PDE2A: variants seen among roughly 807,000 people sequenced by gnomAD.
The protein encoded by PDE2A is cGMP-dependent 3',5'-cyclic phosphodiesterase.
A neutral mutation model predicts 133.6 loss-of-function variants in PDE2A; 53 were observed. That is an observed-to-expected ratio of 0.40 (90% CI 0.32 to 0.50). PDE2A has a LOEUF of 0.50. Ranked by LOEUF, PDE2A falls within the 20% of genes least tolerant of loss-of-function variation. PDE2A has a pLI of 0.73. For synonymous variants in PDE2A, 491 were observed against 490.2 expected (o/e 1.00, Z -0.02); for missense variants, 796 against 1,232.4 (o/e 0.65, Z 5.30).
chr11:72,653,744 C>A (rs1191843670), intron 1 of PDE2A, among the ~76,000 whole-genome samples: 1 of 152,236 alleles, frequency 6.6e-6, no homozygotes, highest in African/African-American at 2.4e-5. Flanking sequence ...TGGGCCCCTG[C>A]TCCTTAGTCT....
chr11:72,658,981 C>T (rs187311593), intron 1 of PDE2A, among the ~76,000 whole-genome samples: 1 of 152,300 alleles, frequency 6.6e-6, no homozygotes, highest in Non-Finnish European at 1.5e-5. Flanking sequence ...GTGTGAGCCG[C>T]TGTGCCCAGC....
chr11:72,674,289 C>T lies in PDE2A; in HGVS notation c.-82G>A. On this transcript the variant is annotated 5_prime_UTR_variant, in exon 1 of 31. In the 5' UTR this introduces an upstream ATG that the reference lacks. Coordinates refer to ENST00000334456, the MANE Select transcript of PDE2A (RefSeq NM_002599.5). The stretch of plus-strand genomic sequence containing the variant: ...GCTGCCTGGAGTTCAGGGCAGGGCA[C>T]CCCCAGCAGGCACAGGGACCAAGAG... The T allele has an allele frequency of 7.1e-7, 1 of 1,400,186 alleles. No individual in the cohort carries two copies. The highest frequency in any genetic ancestry group is 1.2e-5 in the South Asian group (1 of 80,200). The allele number at this position is 1,400,186 out of a possible 1,614,324, so 86.7% of individuals were successfully genotyped here.
intron 2 of PDE2A, among the ~76,000 whole-genome samples, chr11:72,625,995 A>G (rs1454717809): frequency 6.6e-6 from 1 of 152,248 alleles, no homozygotes; most frequent in Non-Finnish European, 1.5e-5. Flanking sequence ...GGGCCGCAGC[A>G]TCTGGCCTGG....
At chr11:72,657,729 G>C in intron 1 of PDE2A, 1 of 450,542 alleles carries the variant, frequency 2.2e-6, no homozygotes, top group Non-Finnish European at 4.4e-6. Context: ...TTAGGATCTT[G>C]GATCTGGGGG....
intron 1 of PDE2A, 134 bp downstream of exon 1, chr11:72,674,003 G>T (rs527669598): frequency 1.2e-6 from 1 of 842,286 alleles, no homozygotes; most frequent in Non-Finnish European, 1.8e-6. Context: ...GGGAGGAGGG[G>T]TGCCCAGGAA....
intron 1 of PDE2A, among the ~76,000 whole-genome samples, chr11:72,660,354 C>G (rs1457919001): frequency 2.0e-5 from 3 of 152,202 alleles, no homozygotes; most frequent in Non-Finnish European, 4.4e-5. Flanking sequence ...GGGCGGGTCA[C>G]AGAGCCCACT....
chr11:72,579,903 T>C (rs1048790777), intron 25 of PDE2A: 14 of 410,380 alleles, frequency 3.4e-5, no homozygotes, highest in Non-Finnish European at 5.3e-5. Context: ...AAATGATCCT[T>C]TGGAGTCCTA....
chr11:72,600,109 G>A (rs1017570156), intron 4 of PDE2A, among the ~76,000 whole-genome samples: 2 of 152,234 alleles, frequency 1.3e-5, no homozygotes. Context: ...GGACAGCCGA[G>A]AGCAAGGCTA....
chr11:72,661,742 T>A (rs1855071501), intron 1 of PDE2A, among the ~76,000 whole-genome samples: 1 of 152,262 alleles, frequency 6.6e-6, no homozygotes, highest in South Asian at 2.1e-4. Context: ...CGGCTCCCTC[T>A]GACTATCTTG....
intron 1 of PDE2A, among the ~76,000 whole-genome samples, chr11:72,658,477 C>T (rs554763605): frequency 6.6e-5 from 10 of 152,128 alleles, no homozygotes; most frequent in Admixed American, 6.5e-4. Context: ...TGCCCCCCCA[C>T]ACACCCTAGA....
Position 72,664,455 on chromosome 11 carries a change from G to C in PDE2A, c.71+9682C>G, listed in dbSNP as rs191323155. On this transcript the variant is annotated intron_variant, in intron 1 of 30. Coordinates refer to ENST00000334456, the MANE Select transcript of PDE2A (RefSeq NM_002599.5). ...GTGGCACAATCTCGGCTCACTGCAAGCTCCGCCTCCTGAGTTCATGCCATT... is the reference window on the plus strand; with the variant it reads ...GTGGCACAATCTCGGCTCACTGCAACCTCCGCCTCCTGAGTTCATGCCATT... Among the ~76,000 whole-genome samples, 286 of 128,922 alleles carry C rather than the reference G, an allele frequency of 2.2e-3. 2 individuals are homozygous for C. The highest frequency in any genetic ancestry group is 7.8e-3 in the African/African-American group (263 of 33,556). 84.6% of individuals were successfully genotyped at this position (128,922 alleles called of 152,430 possible). A position where few individuals can be genotyped will look rare whatever the true frequency, so the allele number is the denominator to read the frequency against.
intron 1 of PDE2A, among the ~76,000 whole-genome samples, chr11:72,667,633 T>A (rs1855273685): frequency 6.6e-6 from 1 of 152,094 alleles, no homozygotes; most frequent in Admixed American, 6.5e-5. Context: ...AGCACCCCCT[T>A]CTGGAGACAT....
chr11:72,604,668 C>T (rs149075144), intron 4 of PDE2A, among the ~76,000 whole-genome samples: 1 of 152,318 alleles, frequency 6.6e-6, no homozygotes, highest in African/African-American at 2.4e-5. Context: ...GATTTGAACC[C>T]AGGCAGTGGG....
At chr11:72,622,182 A>AC (rs1857804628) in intron 2 of PDE2A, among the ~76,000 whole-genome samples, 1 of 151,864 alleles carries the variant, frequency 6.6e-6, no homozygotes, top group Non-Finnish European at 1.5e-5. Context: ...CTACCATTAA[A>AC]AAATAAAAGA....
At chr11:72,580,836 T>C in intron 24 of PDE2A, 50 bp downstream of exon 24, 1 of 1,205,826 alleles carries the variant, frequency 8.3e-7, no homozygotes, top group South Asian at 1.2e-5. Flanking sequence ...AGGATGAGAC[T>C]CCCAGACACC....
intron 2 of PDE2A, among the ~76,000 whole-genome samples, chr11:72,637,809 G>A (rs1313044230): frequency 6.6e-6 from 1 of 152,220 alleles, no homozygotes; most frequent in East Asian, 1.9e-4. Context: ...GTAGAGATGA[G>A]TCAGGTTGGA....
chr11:72,671,818 G>A (rs1446517341), intron 1 of PDE2A, among the ~76,000 whole-genome samples: 1 of 152,068 alleles, frequency 6.6e-6, no homozygotes, highest in East Asian at 1.9e-4. Flanking sequence ...GCAAGAGATG[G>A]CTCCATGATC....
chr11:72,663,495 A>G (rs34173798), intron 1 of PDE2A, among the ~76,000 whole-genome samples: 81,233 of 152,030 alleles, frequency 0.53, 22,125 homozygotes, highest in Middle Eastern at 0.71. Context: ...TTGGGAGGTC[A>G]AGGCGGGCAG....
rs200284582 is a variant in PDE2A, at chr11:72,581,359, G to C, written c.2043C>G (p.Leu681=). 1 of 1,613,036 alleles carries C rather than the reference G, an allele frequency of 6.2e-7. No homozygotes were observed. ...GTGGGGGAGATGCAGCCACTCACTCGAGGTAGTTGGTGAGCTCCAGGTTCT... is the reference window on the plus strand; with the variant it reads ...GTGGGGGAGATGCAGCCACTCACTCCAGGTAGTTGGTGAGCTCCAGGTTCT... ...LYKNLELTNY[L]EDIEIFALFI... Residue 681 remains leucine (L), a splice_region_variant and synonymous_variant, in exon 23 of 31, where the codon CTC becomes CTG. Coordinates refer to ENST00000334456, the MANE Select transcript of PDE2A (RefSeq NM_002599.5).
Sources: allele counts gnomAD v4.1 joint callset (sites outside exome capture counted in the v4.1 genomes callset), GRCh38; gene constraint gnomAD v4.1.1; transcripts MANE v1.5; gene names NCBI Gene and HGNC (gene_info 2026-07-23, HGNC 2026-07-21).